Variants in SPG11 observed in about 807,000 individuals in gnomAD.
SPG11 encodes the protein SPG11 vesicle trafficking associated, spatacsin.
A neutral mutation model predicts 274.0 loss-of-function variants in SPG11; 222 were observed. The observed-to-expected ratio is 0.81, with a 90% confidence interval of 0.73 to 0.91. SPG11 has a LOEUF of 0.91. Ranked by LOEUF, SPG11 falls within the 40% of genes least tolerant of loss-of-function variation. The probability of loss-of-function intolerance (pLI) is 0.00; values close to 1 mark genes in which losing one functional copy is unlikely to be tolerated. For missense variants in SPG11, 3,114 were observed against 2,872.7 expected (o/e 1.08, Z -1.92); for synonymous variants, 1,144 against 1,039.7 (o/e 1.10, Z -1.93).
At chr15:44,611,966 G>A (rs902577459) in intron 17 of SPG11, among the ~76,000 whole-genome samples, 2 of 151,834 alleles carry the variant, frequency 1.3e-5, no homozygotes, top group East Asian at 1.9e-4. Context: ...CCACCAAGCC[G>A]GGCTAATTTT....
intron 39 of SPG11, among the ~76,000 whole-genome samples, chr15:44,564,172 T>C (rs2082261379): frequency 6.6e-6 from 1 of 152,088 alleles, no homozygotes; most frequent in East Asian, 1.9e-4. Flanking sequence ...TTTGTATTTT[T>C]AGTAGAGACA....
At chr15:44,607,458 T>G (rs1254126624) in intron 19 of SPG11, among the ~76,000 whole-genome samples, 1 of 152,156 alleles carries the variant, frequency 6.6e-6, no homozygotes, top group Non-Finnish European at 1.5e-5. Flanking sequence ...ATTGTTATAT[T>G]TTTAGTAGAG....
chr15:44,649,646 C>T (rs2084706523), intron 6 of SPG11, among the ~76,000 whole-genome samples: 1 of 152,128 alleles, frequency 6.6e-6, no homozygotes, highest in East Asian at 1.9e-4. Context: ...AATCCCAGCA[C>T]TTCAGGAGGC....
chr15:44,586,942 A>G (rs1357285752), intron 28 of SPG11, among the ~76,000 whole-genome samples: 5 of 152,250 alleles, frequency 3.3e-5, no homozygotes, highest in African/African-American at 1.2e-4. Flanking sequence ...CACTGTATTC[A>G]GAATGAAGCA....
intron 11 of SPG11, among the ~76,000 whole-genome samples, chr15:44,625,431 G>A (rs1190415481): frequency 6.6e-6 from 1 of 152,090 alleles, no homozygotes; most frequent in African/African-American, 2.4e-5. Flanking sequence ...TTTCCCCCTT[G>A]CTGTTTTTGT....
intron 8 of SPG11, among the ~76,000 whole-genome samples, chr15:44,630,240 C>G (rs995745326): frequency 2.6e-5 from 4 of 152,170 alleles, no homozygotes; most frequent in African/African-American, 4.8e-5. Context: ...CCCGCTGCCC[C>G]CCGTGGATTA....
chr15:44,640,158 C>T (rs1384706247), intron 7 of SPG11, among the ~76,000 whole-genome samples: 1 of 152,046 alleles, frequency 6.6e-6, no homozygotes, highest in Non-Finnish European at 1.5e-5. Flanking sequence ...TGCAGTTAGC[C>T]GAGATCACAT....
intron 31 of SPG11, among the ~76,000 whole-genome samples, chr15:44,574,286 G>A (rs1224903428): frequency 6.6e-6 from 1 of 152,242 alleles, no homozygotes; most frequent in African/African-American, 2.4e-5. Flanking sequence ...TTATAGGCAT[G>A]AGCCACCATG....
At chr15:44,571,400 T>A (rs766822140) in intron 33 of SPG11, among the ~76,000 whole-genome samples, 1 of 152,150 alleles carries the variant, frequency 6.6e-6, no homozygotes. Flanking sequence ...ATATCCTAGA[T>A]GCTTATAGTG....
At chr15:44,615,283 CTAA>C in intron 16 of SPG11, 77 bp downstream of exon 16, 8 of 1,372,802 alleles carry the variant, frequency 5.8e-6, no homozygotes, top group Non-Finnish European at 7.2e-6. Context: ...TACTATTTTC[CTAA>C]AAGTCACATT....
intron 36 of SPG11, among the ~76,000 whole-genome samples, chr15:44,566,896 T>C (rs2082320913): frequency 6.6e-6 from 1 of 151,860 alleles, no homozygotes; most frequent in African/African-American, 2.4e-5. Flanking sequence ...AGAGACAGGA[T>C]TGCACCATGT....
chr15:44,618,098 C>T (rs1409913359), intron 15 of SPG11, among the ~76,000 whole-genome samples: 7 of 152,180 alleles, frequency 4.6e-5, no homozygotes, highest in Non-Finnish European at 1.0e-4. Flanking sequence ...TAAAGATCAA[C>T]TTGGTAAGAC....
intron 27 of SPG11, among the ~76,000 whole-genome samples, chr15:44,591,732 A>C (rs1466671043): frequency 6.6e-6 from 1 of 152,162 alleles, no homozygotes; most frequent in Non-Finnish European, 1.5e-5. Context: ...CAACACTTTG[A>C]GAGGCCGAGG....
At chr15:44,661,464 A>C (rs2085103805) in intron 1 of SPG11, among the ~76,000 whole-genome samples, 1 of 152,172 alleles carries the variant, frequency 6.6e-6, no homozygotes, top group African/African-American at 2.4e-5. Flanking sequence ...TTATACTTCT[A>C]GAGTAGTATA....
rs1002791400 is a variant in SPG11, at chr15:44,636,426, GA to G, written c.1603-2790del. The stretch of plus-strand genomic sequence containing the variant: ...AAGTTTGCAACTTTAAAATGGTTAA[GA>G]AAAAAAAAAAGGTACAATTAAAACA... On this transcript the variant is annotated intron_variant, in intron 7 of 39. Transcript: ENST00000261866. 9.5e-3 allele frequency among the ~76,000 whole-genome samples: 1,352 copies of G among 142,030 alleles called. 7 individuals are homozygous for G. Among genetic ancestry groups the G allele is most frequent in the African/African-American group, 0.011 (410 of 38,940 alleles). The allele number at this position is 142,030 out of a possible 152,430, so 93.2% of individuals were successfully genotyped here.
At position 44,595,914 on chromosome 15, in the gene SPG11, G is replaced by C. The variant is rs1405673708; in HGVS notation, c.4434+169C>G. The C allele has an allele frequency of 8.2e-6, 7 of 856,284 alleles. No homozygotes were observed. In the East Asian group the frequency reaches 1.9e-4, roughly 23 times the overall value. 53.0% of individuals were successfully genotyped at this position (856,284 alleles called of 1,614,324 possible). ...CAAGGCACAAGAAAGTACACCAAAT[G>C]GCCCAGAGCCTAAGCTAGAGAAGCA... is the stretch of plus-strand genomic sequence containing the variant. On this transcript the variant is annotated intron_variant, in intron 25 of 39. Coordinates refer to ENST00000261866, the MANE Select transcript of SPG11 (RefSeq NM_025137.4).
chr15:44,581,264 T>C (rs778451974), intron 30 of SPG11, among the ~76,000 whole-genome samples: 13 of 152,090 alleles, frequency 8.5e-5, no homozygotes, highest in Non-Finnish European at 1.9e-4. Flanking sequence ...TGGAGTGCAG[T>C]GGCATGAACA....
chr15:44,660,683 G>A (rs1235953737), intron 1 of SPG11, 67 bp from the exon 2 acceptor site: 3 of 1,460,624 alleles, frequency 2.1e-6, no homozygotes, highest in Non-Finnish European at 2.9e-6. Context: ...AATGGTGGGG[G>A]TAGAAGGGTT....
intron 30 of SPG11, among the ~76,000 whole-genome samples, chr15:44,577,355 T>C (rs1180583891): frequency 6.6e-6 from 1 of 151,580 alleles, no homozygotes; most frequent in African/African-American, 2.4e-5. Context: ...ATTTAAAAAT[T>C]AGCTGGGGAT....
Sources: allele counts gnomAD v4.1 joint callset (sites outside exome capture counted in the v4.1 genomes callset), GRCh38; gene constraint gnomAD v4.1.1; transcripts MANE v1.5; gene names NCBI Gene and HGNC (gene_info 2026-07-23, HGNC 2026-07-21).